The following PCNX1 variants were observed in gnomAD, a reference collection of about 807,000 sequenced individuals.
The protein encoded by PCNX1 is pecanex-like protein 1.
In PCNX1, 78 loss-of-function variants were observed where a neutral mutation model predicts 242.2. The ratio of observed to expected loss-of-function variants is 0.32; its 90% CI spans 0.27 to 0.39. The LOEUF (loss-of-function observed/expected upper bound fraction) is 0.39, where lower values mean the gene tolerates loss of function less well. Among genes scored for constraint, PCNX1 ranks in the 10% least tolerant of loss-of-function variants. PCNX1 has a pLI of 1.00. For synonymous variants in PCNX1, 1,024 were observed against 1,032.9 expected (o/e 0.99, Z 0.17); for missense variants, 2,581 against 2,856.5 (o/e 0.90, Z 2.20).
chr14:71,084,373 G>A (rs1472284845), intron 28 of PCNX1, among the ~76,000 whole-genome samples: 5 of 152,252 alleles, frequency 3.3e-5, no homozygotes, highest in Non-Finnish European at 7.3e-5. Flanking sequence ...CAGAGCTCAA[G>A]TGCTGTGCTG....
chr14:70,963,708 T>C (rs2058290388), intron 3 of PCNX1, among the ~76,000 whole-genome samples: 1 of 152,222 alleles, frequency 6.6e-6, no homozygotes, highest in South Asian at 2.1e-4. Context: ...CTCTCTTTTG[T>C]CTTTCTGTAT....
intron 1 of PCNX1, among the ~76,000 whole-genome samples, chr14:70,922,758 CTTTTTTT>C (rs200836942): frequency 1.1e-4 from 15 of 132,338 alleles, no homozygotes; most frequent in African/African-American, 4.1e-4. Context: ...AGGTCATTAC[CTTTTTTT>C]TTTTTTTTTT....
intron 1 of PCNX1, among the ~76,000 whole-genome samples, chr14:70,929,488 AAC>A (rs1288145629): frequency 4.6e-5 from 7 of 152,310 alleles, no homozygotes; most frequent in African/African-American, 1.7e-4. Context: ...TTGATTTTTA[AAC>A]AGTTTTTTAA....
At chr14:70,957,258 G>A (rs2058031597) in intron 2 of PCNX1, among the ~76,000 whole-genome samples, 1 of 152,018 alleles carries the variant, frequency 6.6e-6, no homozygotes, top group Non-Finnish European at 1.5e-5. Context: ...CGCGTGCTAG[G>A]ATTACAGGCA....
chr14:70,966,158 T>C (rs1472762555), intron 3 of PCNX1, among the ~76,000 whole-genome samples: 1 of 152,210 alleles, frequency 6.6e-6, no homozygotes, highest in African/African-American at 2.4e-5. Context: ...CACTTGTAAA[T>C]AGTCATGATT....
At chr14:71,014,462 A>AC (rs1450320687) in intron 11 of PCNX1, among the ~76,000 whole-genome samples, 11 of 152,340 alleles carry the variant, frequency 7.2e-5, no homozygotes. Context: ...GAATTAGCAG[A>AC]CAAGGACATT....
intron 6 of PCNX1, among the ~76,000 whole-genome samples, chr14:70,982,067 A>G (rs1461085696): frequency 6.6e-6 from 1 of 151,132 alleles, no homozygotes; most frequent in Non-Finnish European, 1.5e-5. Context: ...ACAATTATTT[A>G]AAGAAAAGTC....
chr14:70,950,829 G>A (rs746950421), intron 2 of PCNX1, among the ~76,000 whole-genome samples: 11 of 151,374 alleles, frequency 7.3e-5, no homozygotes, highest in Admixed American at 2.6e-4. Flanking sequence ...ATTGATTTTG[G>A]AACTTTTTTT....
intron 28 of PCNX1, among the ~76,000 whole-genome samples, chr14:71,082,963 A>G (rs866338627): frequency 2.0e-5 from 3 of 152,062 alleles, no homozygotes; most frequent in Non-Finnish European, 2.9e-5. Context: ...ACAATTTGGT[A>G]AATTTATAGT....
At chr14:71,014,872 C>T (rs2059918752) in intron 11 of PCNX1, among the ~76,000 whole-genome samples, 1 of 151,998 alleles carries the variant, frequency 6.6e-6, no homozygotes, top group South Asian at 2.1e-4. Flanking sequence ...ATTCAGGAAG[C>T]CCAGTGAACC....
intron 6 of PCNX1, among the ~76,000 whole-genome samples, chr14:70,980,790 T>C (rs1298074414): frequency 1.3e-5 from 2 of 152,186 alleles, no homozygotes; most frequent in African/African-American, 2.4e-5. Flanking sequence ...GTTTCTGGGC[T>C]ATCCTTCCTT....
rs1191286942 is a variant in PCNX1 at position 70,949,248 on chromosome 14, TGTATACACACACACGTGTATGCACACAC to T, written c.362+2128_362+2155del. Among the ~76,000 whole-genome samples the T allele has an allele frequency of 2.8e-5, 3 of 106,130 alleles. No individual in the cohort carries two copies. The Admixed American group carries it at 3.3e-4, about 12-fold the overall frequency. 69.6% of individuals were successfully genotyped at this position (106,130 alleles called of 152,430 possible). A position where few individuals can be genotyped will look rare whatever the true frequency, so the allele number is the denominator to read the frequency against. ...ATATATGTATGTGTATATACACACG[TGTATACACACACACGTGTATGCACACAC>T]GTGTATACACACACGTGTGTACACA... On this transcript the variant is annotated intron_variant, in intron 2 of 35. Transcript: ENST00000304743.
intron 5 of PCNX1, among the ~76,000 whole-genome samples, chr14:70,969,696 T>C (rs966239825): frequency 1.3e-5 from 2 of 152,150 alleles, no homozygotes; most frequent in Non-Finnish European, 1.5e-5. Flanking sequence ...GACCTTTACA[T>C]GTACTGTGTG....
At chr14:70,959,606 C>T (rs1247570458) in intron 2 of PCNX1, among the ~76,000 whole-genome samples, 1 of 151,430 alleles carries the variant, frequency 6.6e-6, no homozygotes, top group African/African-American at 2.4e-5. Context: ...ATATGTGCCA[C>T]ATTTTCTTAA....
chr14:70,943,768 A>G (rs1015978155), intron 1 of PCNX1, among the ~76,000 whole-genome samples: 2 of 90,228 alleles, frequency 2.2e-5, no homozygotes, highest in African/African-American at 4.6e-5. Context: ...CCTAGAGGAA[A>G]AAATGGTTTC....
At position 70,907,750 on chromosome 14, in the gene PCNX1, G is replaced by A. The variant is rs1476075241; in HGVS notation, c.-101G>A. On this transcript the variant is annotated 5_prime_UTR_variant, in exon 1 of 36. Coordinates refer to ENST00000304743, the MANE Select transcript of PCNX1 (RefSeq NM_014982.3). ...TCGCTCACCCGGAGCTCCGGAGGTGGATAGACGGGGCAGCTGCAGGCTCCG... is the reference window on the plus strand; with the variant it reads ...TCGCTCACCCGGAGCTCCGGAGGTGAATAGACGGGGCAGCTGCAGGCTCCG... 1.7e-6 allele frequency: 2 copies of A among 1,170,684 alleles called. No homozygotes were observed. The highest frequency in any genetic ancestry group is 3.2e-5 in the African/African-American group (2 of 61,720). The allele number at this position is 1,170,684 out of a possible 1,614,324, so 72.5% of individuals were successfully genotyped here.
chr14:71,026,968 C>A, intron 15 of PCNX1, 86 bp downstream of exon 15: 5 of 604,976 alleles, frequency 8.3e-6, no homozygotes, highest in Admixed American at 3.0e-5. Flanking sequence ...AATGCTTTTC[C>A]AGTTTTCACT....
At chr14:71,026,333 G>GTA in intron 14 of PCNX1, 45 bp downstream of exon 14, 1 of 1,165,350 alleles carries the variant, frequency 8.6e-7, no homozygotes, top group East Asian at 2.6e-5. Flanking sequence ...TAATTTATTT[G>GTA]TATATCAACA....
chr14:70,968,952 C>T (rs1198666977), intron 4 of PCNX1, 69 bp from the exon 5 acceptor site: 8 of 854,916 alleles, frequency 9.4e-6, no homozygotes, highest in Non-Finnish European at 1.4e-5. Context: ...TATTAATACT[C>T]CTTGGTTATG....
Sources: allele counts gnomAD v4.1 joint callset (sites outside exome capture counted in the v4.1 genomes callset), GRCh38; gene constraint gnomAD v4.1.1; transcripts MANE v1.5; gene names NCBI Gene and HGNC (gene_info 2026-07-23, HGNC 2026-07-21).